Variants in FRMD3 observed in about 807,000 individuals in gnomAD.
The protein encoded by FRMD3 is FERM domain containing 3, also known as FERM domain-containing protein 3.
In FRMD3, 33 loss-of-function variants were observed where a neutral mutation model predicts 70.2. The ratio of observed to expected loss-of-function variants is 0.47; its 90% CI spans 0.36 to 0.63. FRMD3 has a LOEUF of 0.63. Among genes scored for constraint, FRMD3 ranks in the 20% least tolerant of loss-of-function variants. The pLI, the probability that FRMD3 is intolerant of heterozygous loss-of-function variation, is 0.00. For synonymous variants in FRMD3, 279 were observed against 255.9 expected, an observed-to-expected ratio of 1.09 and a Z score of -0.86; for missense variants, 632 against 711.4, an observed-to-expected ratio of 0.89 and a Z score of 1.27.
intron 1 of FRMD3, among the ~76,000 whole-genome samples, chr9:83,522,087 C>T (rs968659079): frequency 6.6e-6 from 1 of 152,188 alleles, no homozygotes; most frequent in Non-Finnish European, 1.5e-5. Context: ...CTCTTGAAAT[C>T]ACATTTTATA....
chr9:83,491,201 C>T (rs1317548354), intron 1 of FRMD3, among the ~76,000 whole-genome samples: 1 of 152,170 alleles, frequency 6.6e-6, no homozygotes, highest in Non-Finnish European at 1.5e-5. Flanking sequence ...TCAACTACGA[C>T]ATTTGAGTAT....
At chr9:83,393,093 TA>T (rs1351540244) in intron 1 of FRMD3, among the ~76,000 whole-genome samples, 18 of 152,340 alleles carry the variant, frequency 1.2e-4, no homozygotes, top group Admixed American at 9.1e-4. Flanking sequence ...CATATGTGCA[TA>T]AGTATAGACT....
At chr9:83,249,673 A>G (rs1331194902) in intron 13 of FRMD3, among the ~76,000 whole-genome samples, 1 of 152,212 alleles carries the variant, frequency 6.6e-6, no homozygotes, top group Non-Finnish European at 1.5e-5. Flanking sequence ...GAAATATACA[A>G]AAGGTCAACA....
chr9:83,300,065 A>G (rs1341666296), intron 10 of FRMD3, among the ~76,000 whole-genome samples: 2 of 152,232 alleles, frequency 1.3e-5, no homozygotes, highest in African/African-American at 4.8e-5. Context: ...TTAAACACAC[A>G]CAGACAAAAT....
At chr9:83,437,340 G>A (rs1302550820) in intron 1 of FRMD3, among the ~76,000 whole-genome samples, 2 of 152,144 alleles carry the variant, frequency 1.3e-5, no homozygotes, top group African/African-American at 4.8e-5. Flanking sequence ...TCTCAGCATT[G>A]TTTAGTTTCT....
chr9:83,306,662 T>C (rs887750088), intron 10 of FRMD3, among the ~76,000 whole-genome samples: 2 of 152,200 alleles, frequency 1.3e-5, no homozygotes, highest in Admixed American at 1.3e-4. Context: ...ACAGGAATCA[T>C]GCCTTATCAA....
chr9:83,559,997 C>A, the FRMD3 span, among the ~76,000 whole-genome samples: 1 of 152,096 alleles, frequency 6.6e-6, no homozygotes, highest in Non-Finnish European at 1.5e-5. Flanking sequence ...CCTTCCAATG[C>A]ATCCCCGTGT....
chr9:83,490,310 G>T (rs11140118), intron 1 of FRMD3, among the ~76,000 whole-genome samples: 21,053 of 151,992 alleles, frequency 0.14, 1,636 homozygotes, highest in East Asian at 0.33. Context: ...TATTTTTGGG[G>T]ACAGAGTCTT....
intron 1 of FRMD3, among the ~76,000 whole-genome samples, chr9:83,518,746 A>G (rs1587511693): frequency 6.6e-6 from 1 of 152,300 alleles, no homozygotes; most frequent in East Asian, 1.9e-4. Context: ...AAACTATACT[A>G]CCAGCCTACA....
chr9:83,284,061 ATTTTT>A (rs71365307), intron 13 of FRMD3, among the ~76,000 whole-genome samples: 13 of 101,674 alleles, frequency 1.3e-4, no homozygotes, highest in Admixed American at 2.1e-4. Flanking sequence ...CTAGGATGTT[ATTTTT>A]TTTTTTTTTT....
the FRMD3 span, among the ~76,000 whole-genome samples, chr9:83,548,779 C>G: frequency 0.063 from 9,637 of 152,034 alleles, 430 homozygotes; most frequent in East Asian, 0.11. Context: ...AACAAGCATA[C>G]CACACTAATG....
the FRMD3 span, among the ~76,000 whole-genome samples, chr9:83,571,605 G>T: frequency 6.6e-6 from 1 of 152,176 alleles, no homozygotes; most frequent in South Asian, 2.1e-4. Context: ...CACAAGGCTG[G>T]GGCCAAGGGA....
intron 1 of FRMD3, among the ~76,000 whole-genome samples, chr9:83,408,217 G>T (rs2131334099): frequency 6.6e-6 from 1 of 152,328 alleles, no homozygotes; most frequent in Admixed American, 6.5e-5. Flanking sequence ...TTTATTTAAT[G>T]TGCCACAGGG....
chr9:83,531,665 A>C (rs1264700943), intron 1 of FRMD3, among the ~76,000 whole-genome samples: 2 of 152,180 alleles, frequency 1.3e-5, no homozygotes, highest in African/African-American at 4.8e-5. Flanking sequence ...CTTGGATTTC[A>C]CCAGCAGGAT....
chr9:83,377,531 C>A (rs1297625601), intron 2 of FRMD3, among the ~76,000 whole-genome samples: 1 of 152,142 alleles, frequency 6.6e-6, no homozygotes, highest in African/African-American at 2.4e-5. Flanking sequence ...GCAGATTTCT[C>A]ATTAATGGTT....
chr9:83,413,191 T>C (rs17403697), intron 1 of FRMD3, among the ~76,000 whole-genome samples: 3,748 of 152,296 alleles, frequency 0.025, 73 homozygotes, highest in Non-Finnish European at 0.039. Context: ...TGTAAGTACA[T>C]CAAAGTTTAA....
At chr9:83,524,694 T>C (rs989349047) in intron 1 of FRMD3, among the ~76,000 whole-genome samples, 1 of 152,206 alleles carries the variant, frequency 6.6e-6, no homozygotes, top group Non-Finnish European at 1.5e-5. Context: ...ATATGAGACA[T>C]TGGACCAATC....
intron 4 of FRMD3, among the ~76,000 whole-genome samples, chr9:83,346,254 T>TAA (rs1823957212): frequency 3.4e-5 from 1 of 29,842 alleles, no homozygotes; most frequent in Admixed American, 5.6e-4. Context: ...AGACGCCATC[T>TAA]CAAAAAAAAA....
intron 9 of FRMD3, 30 bp from the exon 10 acceptor site, chr9:83,309,654 G>C: frequency 7.1e-7 from 1 of 1,410,218 alleles, no homozygotes; most frequent in Non-Finnish European, 9.8e-7. Flanking sequence ...ACAAGAAAAG[G>C]CACGTAAAAT....
Sources: allele counts gnomAD v4.1 joint callset (sites outside exome capture counted in the v4.1 genomes callset), GRCh38; gene constraint gnomAD v4.1.1; transcripts MANE v1.5; gene names NCBI Gene and HGNC (gene_info 2026-07-23, HGNC 2026-07-21).